Variants in ST6GAL1 observed in about 807,000 individuals in gnomAD.
The protein encoded by ST6GAL1 is beta-galactoside alpha-2,6-sialyltransferase 1.
A neutral mutation model predicts 38.0 loss-of-function variants in ST6GAL1; 20 were observed. The observed-to-expected ratio is 0.53, with a 90% confidence interval of 0.37 to 0.77. The LOEUF (loss-of-function observed/expected upper bound fraction) is 0.77, where lower values mean the gene tolerates loss of function less well. Among genes scored for constraint, ST6GAL1 ranks in the 30% least tolerant of loss-of-function variants. The pLI is 0.00. For synonymous variants in ST6GAL1, 196 were observed against 188.2 expected, an observed-to-expected ratio of 1.04 and a Z score of -0.34; for missense variants, 432 against 496.4, an observed-to-expected ratio of 0.87 and a Z score of 1.23.
chr3:186,940,800 T>C (rs1714141787), intron 1 of ST6GAL1, among the ~76,000 whole-genome samples: 1 of 139,674 alleles, frequency 7.2e-6, no homozygotes, highest in South Asian at 2.3e-4. Flanking sequence ...TTTTTTTTTT[T>C]CATAGCTGCA....
chr3:186,937,223 G>A (rs1005084504), intron 1 of ST6GAL1, among the ~76,000 whole-genome samples: 3 of 151,754 alleles, frequency 2.0e-5, no homozygotes, highest in Non-Finnish European at 2.9e-5. Context: ...TCTTTCATTC[G>A]TCACCCATAT....
At chr3:187,039,377 G>A (rs946788473) in intron 3 of ST6GAL1, among the ~76,000 whole-genome samples, 1 of 152,226 alleles carries the variant, frequency 6.6e-6, no homozygotes, top group Non-Finnish European at 1.5e-5. Flanking sequence ...CAGGCACTGT[G>A]CTGGGTACTA....
chr3:186,965,433 CCTCT>C (rs1715072751), intron 2 of ST6GAL1, among the ~76,000 whole-genome samples: 1 of 152,198 alleles, frequency 6.6e-6, no homozygotes, highest in Non-Finnish European at 1.5e-5. Context: ...TGTCCCCCTC[CCTCT>C]GCTTCCTGAA....
Position 187,003,325 on chromosome 3 carries a change from C to T in ST6GAL1, c.-182-35417C>T, listed in dbSNP as rs150260545. 1.4e-3 allele frequency among the ~76,000 whole-genome samples: 216 copies of T among 152,254 alleles called. 2 individuals are homozygous for T. The highest frequency in any genetic ancestry group is 4.9e-3 in the African/African-American group (202 of 41,570). ...ATAAGGCCCACCGTTAGAGAGGGGG[C>T]AATCTGCTGTACTCAGCCTGCTGAT... On this transcript the variant is annotated intron_variant, in intron 2 of 7. Transcript: ENST00000169298.
At chr3:186,988,366 G>A (rs1716027735) in intron 2 of ST6GAL1, among the ~76,000 whole-genome samples, 1 of 152,082 alleles carries the variant, frequency 6.6e-6, no homozygotes, top group African/African-American at 2.4e-5. Context: ...TAAAGGGCTT[G>A]TTGATCACAC....
At chr3:187,027,391 T>TC (rs1014507669) in intron 2 of ST6GAL1, among the ~76,000 whole-genome samples, 2 of 151,848 alleles carry the variant, frequency 1.3e-5, no homozygotes, top group Non-Finnish European at 2.9e-5. Context: ...ATTTCCAACT[T>TC]CCCCCCAATA....
At chr3:187,074,542 G>C (rs1274028658) in intron 7 of ST6GAL1, among the ~76,000 whole-genome samples, 1 of 152,184 alleles carries the variant, frequency 6.6e-6, no homozygotes, top group Non-Finnish European at 1.5e-5. Flanking sequence ...CTATTGGGGA[G>C]GTCAATCAGA....
At chr3:186,992,620 C>T (rs942803044) in intron 2 of ST6GAL1, among the ~76,000 whole-genome samples, 1 of 152,056 alleles carries the variant, frequency 6.6e-6, no homozygotes, top group Non-Finnish European at 1.5e-5. Flanking sequence ...ATGGTGAAAC[C>T]CCGTCTCTAC....
At chr3:186,967,727 G>A (rs1007685843) in intron 2 of ST6GAL1, among the ~76,000 whole-genome samples, 2 of 152,218 alleles carry the variant, frequency 1.3e-5, no homozygotes, top group Non-Finnish European at 2.9e-5. Context: ...TCCTTGGAAG[G>A]CTTGATCGTT....
chr3:187,069,678 T>C (rs1719295687), intron 5 of ST6GAL1, among the ~76,000 whole-genome samples: 1 of 152,210 alleles, frequency 6.6e-6, no homozygotes, highest in Non-Finnish European at 1.5e-5. Context: ...CTTAAAACCC[T>C]TTCCTGGTCC....
chr3:186,960,948 C>CCTGTAGCT (rs1324983366), intron 1 of ST6GAL1, among the ~76,000 whole-genome samples: 3 of 151,076 alleles, frequency 2.0e-5, no homozygotes, highest in Non-Finnish European at 4.4e-5. Flanking sequence ...CCATAGAGTC[C>CCTGTAGCT]CTGTAGCTCC....
At chr3:187,025,154 A>G (rs1263703398) in intron 2 of ST6GAL1, among the ~76,000 whole-genome samples, 2 of 152,090 alleles carry the variant, frequency 1.3e-5, no homozygotes, top group Non-Finnish European at 2.9e-5. Flanking sequence ...TGCGTTGCAT[A>G]CAATGGAGGT....
intron 5 of ST6GAL1, among the ~76,000 whole-genome samples, chr3:187,066,666 G>GT (rs1273528085): frequency 6.6e-6 from 1 of 151,996 alleles, no homozygotes; most frequent in Non-Finnish European, 1.5e-5. Flanking sequence ...TCCCCAGTGA[G>GT]TATTTGTTAC....
chr3:186,967,414 G>A (rs765880247), intron 2 of ST6GAL1, among the ~76,000 whole-genome samples: 2 of 152,148 alleles, frequency 1.3e-5, no homozygotes, highest in Non-Finnish European at 2.9e-5. Flanking sequence ...CTGGTCTCGA[G>A]CTCCTGACCT....
chr3:186,967,894 C>T (rs377529052), intron 2 of ST6GAL1, among the ~76,000 whole-genome samples: 27 of 152,212 alleles, frequency 1.8e-4, no homozygotes, highest in Middle Eastern at 3.2e-3. Flanking sequence ...CCTGGGGAGC[C>T]GGCACAGCCC....
At chr3:186,953,307 C>T (rs535210315) in intron 1 of ST6GAL1, among the ~76,000 whole-genome samples, 19 of 152,272 alleles carry the variant, frequency 1.2e-4, no homozygotes, top group East Asian at 1.2e-3. Context: ...TCTTTTCCAC[C>T]GCTTCATTCT....
At position 187,075,813 on chromosome 3, in the gene ST6GAL1, C is replaced by T; in HGVS notation, c.*10C>T. 6.2e-7 allele frequency: 1 copy of T among 1,613,388 alleles called. No homozygotes were observed. Among genetic ancestry groups the T allele is most frequent in the Non-Finnish European group, 8.5e-7 (1 of 1,179,406 alleles). On this transcript the variant is annotated 3_prime_UTR_variant, in exon 8 of 8. Transcript: ENST00000169298. The surrounding 1 kb of genome is among the most constrained non-coding windows in gnomAD (Gnocchi z 4.1). ...GACCATTCACTGCTAAGCACAGGCT[C>T]CTCACTCTTCTCCATCAGGCATTAA...
chr3:187,044,281 CACAGGAA>C (rs1358886720), intron 4 of ST6GAL1, among the ~76,000 whole-genome samples: 4 of 152,218 alleles, frequency 2.6e-5, no homozygotes, highest in Admixed American at 2.6e-4. Flanking sequence ...GAAAGCAAAG[CACAGGAA>C]GCTTTGCTCC....
chr3:186,992,763 G>A (rs1439665573), intron 2 of ST6GAL1, among the ~76,000 whole-genome samples: 7 of 152,074 alleles, frequency 4.6e-5, no homozygotes, highest in Admixed American at 3.9e-4. Context: ...ACCACTGTAC[G>A]CTAGCTTGGG....
Sources: gnomAD v4.1 joint callset for allele counts (sites outside exome capture counted in the v4.1 genomes callset) on GRCh38, gnomAD v4.1.1 for gene constraint, Gnocchi (gnomAD v3.1) non-coding constraint, MANE v1.5 for transcripts, NCBI Gene and HGNC (gene_info 2026-07-23, HGNC 2026-07-21) for gene names.